The following FMN2 variants were observed in gnomAD, a reference collection of about 807,000 sequenced individuals.
FMN2 encodes formin 2, also known as formin-2.
A neutral mutation model predicts 142.3 loss-of-function variants in FMN2; 51 were observed. The ratio of observed to expected loss-of-function variants is 0.36; its 90% CI spans 0.29 to 0.45. The LOEUF (loss-of-function observed/expected upper bound fraction) is 0.45, where lower values mean the gene tolerates loss of function less well. Ranked by LOEUF, FMN2 falls within the 20% of genes least tolerant of loss-of-function variation. The pLI is 1.00. For synonymous variants in FMN2, 882 were observed against 869.8 expected (o/e 1.01, Z -0.25); for missense variants, 1,936 against 2,122.8 (o/e 0.91, Z 1.73).
chr1:240,301,164 A>G (rs1240844136), intron 8 of FMN2, among the ~76,000 whole-genome samples: 1 of 120,564 alleles, frequency 8.3e-6, no homozygotes. Context: ...TTTAACTTTT[A>G]TTTCTATTTT....
chr1:240,325,380 T>G (rs1426420601), intron 8 of FMN2, among the ~76,000 whole-genome samples: 1 of 150,658 alleles, frequency 6.6e-6, no homozygotes, highest in Non-Finnish European at 1.5e-5. Flanking sequence ...AAGGAAGGCT[T>G]CATTTGGCCA....
At chr1:240,203,406 A>C (rs913958129) in intron 4 of FMN2, among the ~76,000 whole-genome samples, 4 of 152,204 alleles carry the variant, frequency 2.6e-5, no homozygotes, top group African/African-American at 9.6e-5. Flanking sequence ...CGTGGAGTCA[A>C]CCCAGTTGCC....
At chr1:240,274,238 A>G (rs114665534) in intron 7 of FMN2, among the ~76,000 whole-genome samples, 2,333 of 150,042 alleles carry the variant, frequency 0.016, 85 homozygotes, top group African/African-American at 0.054. Flanking sequence ...AAAAAAAAAG[A>G]GAGAGTGGAA....
chr1:240,130,960 TGAAAA>T (rs1402842035), intron 2 of FMN2, among the ~76,000 whole-genome samples: 1 of 152,038 alleles, frequency 6.6e-6, no homozygotes, highest in African/African-American at 2.4e-5. Flanking sequence ...AACACAAAGA[TGAAAA>T]GAAAGGTTCT....
In FMN2 at chr1:240,336,694, G is replaced by T. The variant is rs890667329; in HGVS notation, c.4765+2465G>T. Among the ~76,000 whole-genome samples, 21 of 152,014 alleles carry T rather than the reference G, an allele frequency of 1.4e-4. No homozygotes were observed. In the East Asian group the frequency reaches 3.1e-3, roughly 22 times the overall value. ...GAGAAATGCAAGGCTGGTGTACTGT[G>T]TTAGTAACAGAAGAATGGCATTTAC... On this transcript the variant is annotated intron_variant, in intron 13 of 17. Coordinates refer to ENST00000319653, the MANE Select transcript of FMN2 (RefSeq NM_020066.5).
intron 14 of FMN2, among the ~76,000 whole-genome samples, chr1:240,388,434 C>T (rs1179486558): frequency 2.0e-5 from 3 of 151,980 alleles, no homozygotes; most frequent in Non-Finnish European, 2.9e-5. Context: ...AACACTGGAC[C>T]TTGTGGGATC....
intron 6 of FMN2, among the ~76,000 whole-genome samples, chr1:240,228,902 C>T (rs549078646): frequency 6.6e-6 from 1 of 151,978 alleles, no homozygotes; most frequent in South Asian, 2.1e-4. Context: ...AAATTTATAA[C>T]TTTTTTCTTT....
At chr1:240,126,215 G>C (rs1662497090) in intron 2 of FMN2, among the ~76,000 whole-genome samples, 1 of 152,138 alleles carries the variant, frequency 6.6e-6, no homozygotes, top group South Asian at 2.1e-4. Context: ...TATCTATGGG[G>C]AGAGAAATTT....
chr1:240,465,102 G>C (rs1010511072), intron 16 of FMN2, among the ~76,000 whole-genome samples: 1 of 152,092 alleles, frequency 6.6e-6, no homozygotes, highest in Non-Finnish European at 1.5e-5. Context: ...GGTTACAAAG[G>C]AGAGAACAGA....
chr1:240,327,794 A>T (rs1043097137), intron 8 of FMN2, among the ~76,000 whole-genome samples: 2 of 152,194 alleles, frequency 1.3e-5, no homozygotes, highest in African/African-American at 4.8e-5. Flanking sequence ...GTTTGCGATT[A>T]TAAAGGGTAA....
intron 6 of FMN2, among the ~76,000 whole-genome samples, chr1:240,212,175 C>A (rs1666715405): frequency 6.6e-6 from 1 of 152,148 alleles, no homozygotes; most frequent in African/African-American, 2.4e-5. Context: ...GAATTTGTGC[C>A]TCTGACCTGG....
At chr1:240,140,513 G>C (rs1244065468) in intron 2 of FMN2, among the ~76,000 whole-genome samples, 3 of 152,142 alleles carry the variant, frequency 2.0e-5, no homozygotes, top group East Asian at 1.9e-4. Flanking sequence ...ACACAAAACT[G>C]TTTCCTCCTT....
chr1:240,270,578 G>T (rs1668966875), intron 7 of FMN2, among the ~76,000 whole-genome samples: 1 of 152,004 alleles, frequency 6.6e-6, no homozygotes. Flanking sequence ...CAAGAGCCAT[G>T]AAATGGAAAC....
At chr1:240,178,636 T>C (rs1232874819) in intron 3 of FMN2, among the ~76,000 whole-genome samples, 2 of 152,052 alleles carry the variant, frequency 1.3e-5, no homozygotes, top group Admixed American at 6.6e-5. Flanking sequence ...AGTCTCACTC[T>C]GTTGCCTAGG....
chr1:240,472,194 T>C, intron 16 of FMN2, 178 bp from the exon 17 acceptor site: 2 of 555,148 alleles, frequency 3.6e-6, no homozygotes, highest in South Asian at 2.5e-5. Context: ...AATTAGCGTC[T>C]GTAGCTGTAA....
Position 240,348,084 on chromosome 1 carries a change from G to A in FMN2, c.4766-7732G>A, listed in dbSNP as rs577027694. On this transcript the variant is annotated intron_variant, in intron 13 of 17. Coordinates refer to ENST00000319653, the MANE Select transcript of FMN2 (RefSeq NM_020066.5). The stretch of plus-strand genomic sequence containing the variant: ...TACGCAGTAATTGGATTGCTGGATC[G>A]AATGCTAGTTCAACTCTTAGTTGTT... 3.3e-5 allele frequency among the ~76,000 whole-genome samples: 5 copies of A among 152,236 alleles called. No homozygotes were observed. In the East Asian group the frequency reaches 7.7e-4, roughly 24 times the overall value.
At chr1:240,341,755 A>G (rs147707820) in intron 13 of FMN2, among the ~76,000 whole-genome samples, 1 of 152,298 alleles carries the variant, frequency 6.6e-6, no homozygotes, top group East Asian at 1.9e-4. Flanking sequence ...AGTCACAATC[A>G]AAGCTTCTAG....
chr1:240,350,263 G>A (rs1672046347), intron 13 of FMN2, among the ~76,000 whole-genome samples: 1 of 152,144 alleles, frequency 6.6e-6, no homozygotes, highest in African/African-American at 2.4e-5. Context: ...TAACTGTACA[G>A]GTTTTATATC....
chr1:240,439,917 C>A lies in FMN2; in HGVS notation c.5060+1707C>A, dbSNP rs113017133. Among the ~76,000 whole-genome samples, 918 of 152,236 alleles carry A rather than the reference C, an allele frequency of 6.0e-3. 9 individuals are homozygous for A. Among genetic ancestry groups the A allele is most frequent in the African/African-American group, 0.021 (868 of 41,526 alleles). On this transcript the variant is annotated intron_variant, in intron 16 of 17. Coordinates refer to ENST00000319653, the MANE Select transcript of FMN2 (RefSeq NM_020066.5). ...TTCCTCCTTTTACCTCTAATCTAAA[C>A]CTGGTCCCCTAGAAAAGGGTTTGAA... is the stretch of plus-strand genomic sequence containing the variant.
Sources: allele counts gnomAD v4.1 joint callset (sites outside exome capture counted in the v4.1 genomes callset), GRCh38; gene constraint gnomAD v4.1.1; transcripts MANE v1.5; gene names NCBI Gene and HGNC (gene_info 2026-07-23, HGNC 2026-07-21).